BTG4: variants seen among roughly 807,000 people sequenced by gnomAD.
BTG4 encodes the protein protein BTG4.
BTG4 carries 10 observed loss-of-function variants against 19.3 expected under a neutral mutation model. That is an observed-to-expected ratio of 0.52 (90% CI 0.32 to 0.88). The LOEUF is 0.88. BTG4 is among the 40% of genes least tolerant of loss of function. BTG4 has a pLI of 0.04. For missense variants in BTG4, 238 were observed against 281.9 expected, an observed-to-expected ratio of 0.84 and a Z score of 1.11; for synonymous variants, 91 against 95.7, an observed-to-expected ratio of 0.95 and a Z score of 0.29.
At chr11:111,454,838 T>G in the BTG4 span, 62 of 348,098 alleles carry the variant, frequency 1.8e-4, no homozygotes, top group East Asian at 5.8e-4. Context: ...GGGTTGGGGG[T>G]TGGGGGGTGG....
Position 111,471,288 on chromosome 11 carries a change from C to T in BTG4, c.663-3607G>A, listed in dbSNP as rs76562388. Among the ~76,000 whole-genome samples the T allele has an allele frequency of 2.4e-3, 363 of 152,232 alleles. 9 individuals carry two copies. In the East Asian group the frequency reaches 0.047, roughly 20 times the overall value. On this transcript the variant is annotated intron_variant, in intron 5 of 5. Transcript: ENST00000356018. ...CCTGAATCCTGCTAAGTAATTGTCC[C>T]GTACACATATCTCCATCATTGAATC...
chr11:111,467,414 C>CT, downstream of BTG4: 1 of 428,572 alleles, frequency 2.3e-6, no homozygotes, highest in Non-Finnish European at 4.1e-6. Flanking sequence ...TTCCTGTATA[C>CT]TAAGCCTACT....
chr11:111,461,173 T>C, the BTG4 span, among the ~76,000 whole-genome samples: 5 of 152,182 alleles, frequency 3.3e-5, no homozygotes, highest in African/African-American at 4.8e-5. Context: ...CCATACATTC[T>C]CAGTCTGGTT....
chr11:111,403,788 A>T, the BTG4 span, among the ~76,000 whole-genome samples: 22 of 152,218 alleles, frequency 1.4e-4, no homozygotes, highest in Non-Finnish European at 2.1e-4. Context: ...TGATGACAGT[A>T]TTGATGATAT....
chr11:111,453,579 T>G, the BTG4 span: 12 of 448,156 alleles, frequency 2.7e-5, no homozygotes, highest in Non-Finnish European at 9.0e-6. Context: ...TTGAGGGGGG[T>G]CCTGGTGAGT....
intron 1 of BTG4, among the ~76,000 whole-genome samples, chr11:111,501,962 G>C (rs1866111483): frequency 6.6e-6 from 1 of 152,120 alleles, no homozygotes; most frequent in Non-Finnish European, 1.5e-5. Flanking sequence ...AAACAAACGT[G>C]AAAGTAGGAC....
At chr11:111,464,720 G>C (rs1591432920), downstream of BTG4, 1 of 152,196 alleles carries the variant, frequency 6.6e-6, no homozygotes, top group Non-Finnish European at 1.5e-5. Context: ...CTCATGGGGG[G>C]CACTGAAGGT....
the BTG4 span, among the ~76,000 whole-genome samples, chr11:111,391,249 A>G: frequency 5.3e-5 from 8 of 152,286 alleles, no homozygotes; most frequent in African/African-American, 1.4e-4. Flanking sequence ...TTTGAAGACA[A>G]TGGCCCCAGT....
chr11:111,456,469 C>T, the BTG4 span: 143 of 454,642 alleles, frequency 3.1e-4, no homozygotes, highest in Non-Finnish European at 6.2e-5. The surrounding 1 kb of genome is among the most constrained non-coding windows in gnomAD (Gnocchi z 4.2). Context: ...CCTCTCCCAC[C>T]GGCCCCCAGC....
At chr11:111,456,434 C>G in the BTG4 span, 1 of 438,280 alleles carries the variant, frequency 2.3e-6, no homozygotes, top group South Asian at 1.6e-5. This position sits in a 1 kb window ranked among gnomAD's most constrained non-coding sequence, Gnocchi z 4.2. Context: ...TTCCAGTCAC[C>G]AGCCAAGGGA....
chr11:111,427,636 A>G, the BTG4 span, among the ~76,000 whole-genome samples: 1 of 152,188 alleles, frequency 6.6e-6, no homozygotes, highest in African/African-American at 2.4e-5. Context: ...AGATTAATAA[A>G]GATGAAAAAC....
chr11:111,473,199 G>A (rs1591453945), intron 5 of BTG4: 1 of 152,486 alleles, frequency 6.6e-6, no homozygotes, highest in East Asian at 1.9e-4. Context: ...AAGCAAAATT[G>A]TACATAGTAC....
At chr11:111,486,046 C>T (rs182120026) in intron 5 of BTG4, among the ~76,000 whole-genome samples, 2,083 of 152,252 alleles carry the variant, frequency 0.014, 22 homozygotes, top group Non-Finnish European at 0.022. Context: ...CTGAAGAGAT[C>T]CAAAACCTGA....
chr11:111,408,515 C>T, the BTG4 span, among the ~76,000 whole-genome samples: 12 of 152,346 alleles, frequency 7.9e-5, no homozygotes, highest in East Asian at 2.3e-3. Flanking sequence ...CATCAGTGTC[C>T]TCACCTGCAC....
At chr11:111,436,213 T>C in the BTG4 span, among the ~76,000 whole-genome samples, 1 of 152,146 alleles carries the variant, frequency 6.6e-6, no homozygotes, top group Non-Finnish European at 1.5e-5. Context: ...CCTCGATCAG[T>C]AGCTGCAAAT....
Position 111,488,004 on chromosome 11 carries a change from A to G in BTG4, c.662+7159T>C, listed in dbSNP as rs556162172. On this transcript the variant is annotated intron_variant, in intron 5 of 5. Coordinates refer to the BTG4 transcript ENST00000356018. Reference sequence around the variant, plus strand: ...TCCATGTTCATGGACTGGAAGAATCAATAGTGTTAAAATGTCCATGGTACC... The same window carrying G: ...TCCATGTTCATGGACTGGAAGAATCGATAGTGTTAAAATGTCCATGGTACC... Among the ~76,000 whole-genome samples, 7 of 152,318 alleles carry G rather than the reference A, an allele frequency of 4.6e-5. No individual in the cohort carries two copies. In the South Asian group the frequency reaches 1.4e-3, roughly 32 times the overall value.
intron 4 of BTG4, 44 bp from the exon 5 acceptor site, chr11:111,495,358 G>A: frequency 6.6e-7 from 1 of 1,514,604 alleles, no homozygotes; most frequent in Non-Finnish European, 9.1e-7. Flanking sequence ...CTAGCTGTAA[G>A]GACTAAATAT....
At chr11:111,447,000 C>A in the BTG4 span, among the ~76,000 whole-genome samples, 2 of 152,208 alleles carry the variant, frequency 1.3e-5, no homozygotes, top group South Asian at 4.1e-4. Context: ...GAAGCTAAGT[C>A]TTAGTCCTAA....
the BTG4 span, among the ~76,000 whole-genome samples, chr11:111,444,950 C>T: frequency 1.3e-4 from 20 of 152,286 alleles, no homozygotes; most frequent in Admixed American, 9.8e-4. Context: ...TTTTTGAAAA[C>T]CATAACCTTC....
Sources: gnomAD v4.1 joint callset for allele counts (sites outside exome capture counted in the v4.1 genomes callset) on GRCh38, gnomAD v4.1.1 for gene constraint, Gnocchi (gnomAD v3.1) non-coding constraint, MANE v1.5 for transcripts, NCBI Gene and HGNC (gene_info 2026-07-23, HGNC 2026-07-21) for gene names.